Variants in STEEP1 observed in about 807,000 individuals in gnomAD.
STEEP1 encodes the protein STING ER exit protein.
STEEP1 carries 3 observed loss-of-function variants against 19.2 expected under a neutral mutation model. The observed-to-expected ratio is 0.16, with a 90% CI of 0.07 to 0.40. STEEP1 has a LOEUF of 0.40. Ranked by LOEUF, STEEP1 falls within the 10% of genes least tolerant of loss-of-function variation. STEEP1 has a pLI of 0.99. For missense variants in STEEP1, 54 were observed against 177.1 expected (o/e 0.30, Z 3.94); for synonymous variants, 46 against 63.7 (o/e 0.72, Z 1.32).
intron 1 of STEEP1, among the ~76,000 whole-genome samples, chrX:119,563,120 TCA>T (rs1407464070): frequency 8.9e-6 from 1 of 112,155 alleles, no homozygotes; most frequent in African/African-American, 3.2e-5. Flanking sequence ...GGTTTTATTC[TCA>T]GTGTTATATG....
chrX:119,550,423 A>G (rs1227891746), intron 2 of STEEP1, among the ~76,000 whole-genome samples: 1 of 111,726 alleles, frequency 9.0e-6, no homozygotes, highest in Non-Finnish European at 1.9e-5. Context: ...TATATGGTTA[A>G]CTGATTTTCA....
At chrX:119,563,404 C>T (rs1433676953) in intron 1 of STEEP1, among the ~76,000 whole-genome samples, 1 of 110,445 alleles carries the variant, frequency 9.1e-6, no homozygotes, top group East Asian at 2.8e-4. Context: ...CAAAATTAGC[C>T]GGGCGTGGTG....
At chrX:119,555,372 C>T (rs945908957) in intron 2 of STEEP1, among the ~76,000 whole-genome samples, 1 of 110,776 alleles carries the variant, frequency 9.0e-6, no homozygotes, top group South Asian at 3.8e-4. Context: ...ACAATGATCC[C>T]TAAATGAAAT....
intron 2 of STEEP1, among the ~76,000 whole-genome samples, chrX:119,557,154 T>TGAAAAAA (rs2053285025): frequency 8.4e-5 from 1 of 11,850 alleles, no homozygotes; most frequent in African/African-American, 3.5e-4. Context: ...AGACTCTATC[T>TGAAAAAA]CAAAAAAAAA....
intron 2 of STEEP1, among the ~76,000 whole-genome samples, chrX:119,547,897 C>T (rs963159706): frequency 9.0e-5 from 10 of 111,669 alleles, no homozygotes; most frequent in African/African-American, 2.9e-4. Context: ...GAGGGCCGGA[C>T]GTGGTAGCTC....
At chrX:119,555,249 C>T (rs1159178343) in intron 2 of STEEP1, among the ~76,000 whole-genome samples, 3 of 109,025 alleles carry the variant, frequency 2.8e-5, no homozygotes, top group Non-Finnish European at 5.7e-5. Context: ...AATGTTTGTT[C>T]TTTAAAAAAA....
intron 1 of STEEP1, chrX:119,564,994 T>C (rs912508774): frequency 1.3e-5 from 4 of 313,486 alleles, no homozygotes; most frequent in Non-Finnish European, 2.2e-5. Flanking sequence ...TTTGTTCTCC[T>C]GAAGGAGTTT....
chrX:119,560,423 C>A, intron 1 of STEEP1, 38 bp from the exon 2 acceptor site: 2 of 937,823 alleles, frequency 2.1e-6, no homozygotes, highest in South Asian at 4.1e-5. Flanking sequence ...AGAGTCATGG[C>A]AAAATATAGC....
rs148382258 is a variant in STEEP1 at position 119,542,149 on chromosome X, C to T, written c.513+356G>A. Among the ~76,000 whole-genome samples the T allele has an allele frequency of 3.8e-5, 4 of 105,901 alleles. No homozygotes were observed. In the East Asian group the frequency reaches 1.2e-3, roughly 31 times the overall value. The allele number at this position is 105,901 out of a possible 115,157, so 92.0% of individuals were successfully genotyped here. ...TGGCGCAATCTCGGTTCACTGAAGC[C>T]TCCACCTCCCGGGTTCAAGCGATTC... On this transcript the variant is annotated intron_variant, in intron 5 of 6. Transcript: ENST00000644802.
At chrX:119,547,115 A>AT (rs1411253808) in intron 2 of STEEP1, among the ~76,000 whole-genome samples, 2 of 111,632 alleles carry the variant, frequency 1.8e-5, no homozygotes, top group African/African-American at 3.3e-5. Flanking sequence ...TAAAGAAAAT[A>AT]TTTTTTTCCT....
chrX:119,541,950 A>G (rs1335705341), intron 5 of STEEP1, among the ~76,000 whole-genome samples: 5 of 111,107 alleles, frequency 4.5e-5, no homozygotes, highest in African/African-American at 1.6e-4. Flanking sequence ...GGAGGAAAAA[A>G]TCACTGATCT....
intron 2 of STEEP1, among the ~76,000 whole-genome samples, chrX:119,559,388 T>C (rs2053306020): frequency 9.0e-6 from 1 of 111,310 alleles, no homozygotes; most frequent in Non-Finnish European, 1.9e-5. Flanking sequence ...CCATGTTTGA[T>C]GCTTTTAATG....
At chrX:119,562,591 T>TCCGGAGGCTGACG (rs202142057) in intron 1 of STEEP1, among the ~76,000 whole-genome samples, 4 of 99,251 alleles carry the variant, frequency 4.0e-5, no homozygotes, top group South Asian at 4.7e-4. Flanking sequence ...TCCCAGCTAC[T>TCCGGAGGCTGACG]CAAGAGAATC....
intron 4 of STEEP1, chrX:119,542,825 G>A (rs1304330692): frequency 1.1e-5 from 3 of 274,998 alleles, no homozygotes; most frequent in African/African-American, 8.7e-5. Context: ...TTTTGAAATA[G>A]CATCTCACTC....
chrX:119,562,153 T>C (rs1460214387), intron 1 of STEEP1, among the ~76,000 whole-genome samples: 1 of 112,174 alleles, frequency 8.9e-6, no homozygotes, highest in Non-Finnish European at 1.9e-5. Context: ...TCCCAGCACT[T>C]TGGGAAGCCA....
chrX:119,560,414 G>C (rs1280449336), intron 1 of STEEP1, 29 bp from the exon 2 acceptor site: 20 of 1,033,260 alleles, frequency 1.9e-5, no homozygotes, highest in Non-Finnish European at 2.6e-5. Context: ...TTGGTCACTA[G>C]AGTCATGGCA....
At chrX:119,546,431 A>G (rs1308328090) in intron 2 of STEEP1, among the ~76,000 whole-genome samples, 3 of 69,646 alleles carry the variant, frequency 4.3e-5, no homozygotes, top group Non-Finnish European at 7.7e-5. Context: ...ACGGAACGAG[A>G]CTCCATCTCA....
intron 2 of STEEP1, among the ~76,000 whole-genome samples, chrX:119,556,779 T>A (rs1169256180): frequency 9.0e-6 from 1 of 110,564 alleles, no homozygotes; most frequent in African/African-American, 3.3e-5. Context: ...TTAGATTTTA[T>A]CATCAGCATA....
At chrX:119,549,830 GCAGA>G (rs1044144583) in intron 2 of STEEP1, among the ~76,000 whole-genome samples, 6 of 112,072 alleles carry the variant, frequency 5.4e-5, no homozygotes, top group African/African-American at 9.7e-5. Context: ...CATTCATAGG[GCAGA>G]CAGATTGTTT....
Sources: gnomAD v4.1 joint callset for allele counts (sites outside exome capture counted in the v4.1 genomes callset) on GRCh38, gnomAD v4.1.1 for gene constraint, MANE v1.5 for transcripts, NCBI Gene and HGNC (gene_info 2026-07-23, HGNC 2026-07-21) for gene names.